Variants in IGDCC3 observed in about 807,000 individuals in gnomAD.
IGDCC3 encodes immunoglobulin superfamily DCC subclass member 3, also known as putative neuronal cell adhesion molecule.
A neutral mutation model predicts 72.0 loss-of-function variants in IGDCC3; 47 were observed. The ratio of observed to expected loss-of-function variants is 0.65; its 90% confidence interval spans 0.52 to 0.83. The LOEUF (loss-of-function observed/expected upper bound fraction) is 0.83, where lower values mean the gene tolerates loss of function less well. Ranked by LOEUF, IGDCC3 falls within the 40% of genes least tolerant of loss-of-function variation. The pLI is 0.00. For synonymous variants in IGDCC3, 477 were observed against 472.8 expected (o/e 1.01, Z -0.11); for missense variants, 1,038 against 1,091.3 (o/e 0.95, Z 0.69).
At chr15:65,330,228 A>G in intron 11 of IGDCC3, 65 bp downstream of exon 11, 2 of 1,146,578 alleles carry the variant, frequency 1.7e-6, no homozygotes, top group Non-Finnish European at 2.6e-6. Context: ...GGCACATGCT[A>G]TCTCACCCCA....
At chr15:65,373,179 C>T (rs2091337640) in intron 2 of IGDCC3, among the ~76,000 whole-genome samples, 1 of 152,174 alleles carries the variant, frequency 6.6e-6, no homozygotes. Flanking sequence ...ATGCAAAGGC[C>T]TCAGCAGGGG....
chr15:65,363,098 G>A (rs996922775), intron 2 of IGDCC3, among the ~76,000 whole-genome samples: 3 of 152,106 alleles, frequency 2.0e-5, no homozygotes, highest in Admixed American at 6.6e-5. Flanking sequence ...GACCTCAGGT[G>A]ATCTGCCCGC....
At chr15:65,341,075 C>T (rs1482794585) in intron 2 of IGDCC3, among the ~76,000 whole-genome samples, 4 of 151,692 alleles carry the variant, frequency 2.6e-5, no homozygotes, top group African/African-American at 9.7e-5. Context: ...TGAAATGTGG[C>T]CAGTCCAAAT....
intron 2 of IGDCC3, among the ~76,000 whole-genome samples, chr15:65,366,977 G>C (rs2091291218): frequency 6.6e-6 from 1 of 152,220 alleles, no homozygotes; most frequent in Admixed American, 6.5e-5. Flanking sequence ...TCTTTTGTGG[G>C]GATGGTGCAG....
At chr15:65,332,832 GGC>G (rs2090990156) in intron 6 of IGDCC3, among the ~76,000 whole-genome samples, 1 of 152,244 alleles carries the variant, frequency 6.6e-6, no homozygotes, top group Non-Finnish European at 1.5e-5. Context: ...TGCGCAGTGA[GGC>G]TGCCGGCGAC....
In IGDCC3 at chr15:65,329,021, C is replaced by A; in HGVS notation, c.2333G>T (p.Gly778Val). The A allele has an allele frequency of 1.2e-6, 2 of 1,612,308 alleles. No homozygotes were observed. The highest frequency in any genetic ancestry group is 1.7e-6 in the Non-Finnish European group (2 of 1,179,410). The part of the protein sequence containing the change: ...KTTEATAPCA[G>V]LAAAPPPPDG... ...TGGGGGTGGTGGGGCAGCCGCCAGG[C>A]CGGCGCAGGGAGCCGTGGCCTCTGT... is the stretch of plus-strand genomic sequence containing the variant. Residue 778 changes from glycine to valine, a missense_variant, in exon 14 of 14, where the codon GGC becomes GTC. Physicochemically the swap from Gly to Val is moderately radical, Grantham distance 109. Coordinates refer to ENST00000327987, the MANE Select transcript of IGDCC3 (RefSeq NM_004884.4). The surrounding 1 kb of genome is among the most constrained non-coding windows in gnomAD (Gnocchi z 4.1).
intron 2 of IGDCC3, among the ~76,000 whole-genome samples, chr15:65,347,427 C>T (rs1264001105): frequency 6.6e-6 from 1 of 152,154 alleles, no homozygotes; most frequent in African/African-American, 2.4e-5. Context: ...AAGGTCCATA[C>T]TAACATTAAG....
At chr15:65,345,593 T>C (rs1369110788) in intron 2 of IGDCC3, among the ~76,000 whole-genome samples, 2 of 148,680 alleles carry the variant, frequency 1.3e-5, no homozygotes, top group African/African-American at 5.0e-5. Context: ...CACACACGCA[T>C]GCACACACAG....
chr15:65,330,936 G>C, intron 9 of IGDCC3, 114 bp downstream of exon 9: 1 of 1,268,150 alleles, frequency 7.9e-7, no homozygotes, highest in Non-Finnish European at 1.1e-6. Flanking sequence ...AGCCCTGACA[G>C]CCTCAGGGCC....
At chr15:65,375,549 A>T in intron 1 of IGDCC3, 147 bp from the exon 2 acceptor site, 2 of 654,334 alleles carry the variant, frequency 3.1e-6, no homozygotes, top group Non-Finnish European at 5.2e-6. Context: ...AATTCCTATT[A>T]TATATAGAAC....
chr15:65,373,171 GC>G (rs2091337598), intron 2 of IGDCC3, among the ~76,000 whole-genome samples: 1 of 152,214 alleles, frequency 6.6e-6, no homozygotes, highest in African/African-American at 2.4e-5. Context: ...GGCTGGTGAT[GC>G]AAAGGCCTCA....
chr15:65,329,681 T>A lies in IGDCC3; in HGVS notation c.1997+45A>T, dbSNP rs528625441. On this transcript the variant is annotated intron_variant, in intron 12 of 13. Coordinates refer to ENST00000327987, the MANE Select transcript of IGDCC3 (RefSeq NM_004884.4). The surrounding 1 kb of genome is among the most constrained non-coding windows in gnomAD (Gnocchi z 4.1). The stretch of plus-strand genomic sequence containing the variant: ...CCACACTCACCTTCTCTAGGCCTAG[T>A]CCCCCACACACCAGCCCAGCCCCTC... 1 of 1,612,482 alleles carries A rather than the reference T, an allele frequency of 6.2e-7. No homozygotes were observed.
intron 2 of IGDCC3, among the ~76,000 whole-genome samples, chr15:65,346,421 A>G (rs1031921002): frequency 1.3e-5 from 2 of 151,190 alleles, no homozygotes; most frequent in Admixed American, 6.6e-5. Context: ...GTGAAATGCT[A>G]GTGGCGTCCA....
rs777347064 is a variant in IGDCC3 at position 65,330,764 on chromosome 15, C to T, written c.1562-23G>A. On this transcript the variant is annotated intron_variant, in intron 9 of 13. Transcript: ENST00000327987. ...GGGCTGCAGGTAGAGAAGGAGGCCA[C>T]GATGTGAGGACCCAGTGGAAGCTCT... 2.7e-5 allele frequency: 42 copies of T among 1,558,820 alleles called. 1 individual carries two copies. In the East Asian group the frequency reaches 5.8e-4, roughly 22 times the overall value.
intron 2 of IGDCC3, among the ~76,000 whole-genome samples, chr15:65,340,247 C>T (rs531538785): frequency 3.4e-4 from 52 of 152,112 alleles, no homozygotes; most frequent in African/African-American, 1.2e-3. Flanking sequence ...GGACCTCTGG[C>T]GAGGTCAGGC....
rs913717355 is a variant in IGDCC3, at chr15:65,334,501, G to A, written c.823+227C>T. 1.4e-4 allele frequency: 71 copies of A among 512,412 alleles called. No homozygotes were observed. In the Middle Eastern group the frequency reaches 1.5e-3, roughly 11 times the overall value. The allele number at this position is 512,412 out of a possible 1,614,324, so 31.7% of individuals were successfully genotyped here. On this transcript the variant is annotated intron_variant, in intron 5 of 13. Transcript: ENST00000327987. ...GGGACTGGACAAGGTAACCCAAGGA[G>A]CTAAGCCATCCCTGCAGGGATGAGA...
rs758389265 is a variant in IGDCC3 at position 65,328,962 on chromosome 15, C to T, written c.2392G>A (p.Ala798Thr). ...GGPGLLSEGQASRPAAARVTQ... is the reference protein window; with the variant it reads ...GGPGLLSEGQTSRPAAARVTQ... ...ACCCGGGCCGCTGCAGGCCTGGAAG[C>T]CTGGCCTTCACTGAGGAGGCCAGGG... Residue 798 changes from alanine to threonine, a missense_variant, in exon 14 of 14, where the codon GCT becomes ACT. By Grantham distance (58) the Ala-to-Thr change is moderately conservative. Coordinates refer to ENST00000327987, the MANE Select transcript of IGDCC3 (RefSeq NM_004884.4). The T allele has an allele frequency of 1.3e-6, 2 of 1,588,118 alleles. No individual in the cohort carries two copies. The highest frequency in any genetic ancestry group is 1.7e-6 in the Non-Finnish European group (2 of 1,169,624).
At chr15:65,352,848 A>G (rs748680709) in intron 2 of IGDCC3, among the ~76,000 whole-genome samples, 1 of 152,246 alleles carries the variant, frequency 6.6e-6, no homozygotes, top group Non-Finnish European at 1.5e-5. Flanking sequence ...AATATGTTTC[A>G]AGAACTATGG....
intron 8 of IGDCC3, 45 bp downstream of exon 8, chr15:65,331,367 A>AAAT (rs767372416): frequency 2.5e-6 from 4 of 1,575,326 alleles, no homozygotes; most frequent in Non-Finnish European, 3.5e-6. Flanking sequence ...AAGGAATAAG[A>AAAT]AATAGTGAAT....
Sources: gnomAD v4.1 joint callset for allele counts (sites outside exome capture counted in the v4.1 genomes callset) on GRCh38, gnomAD v4.1.1 for gene constraint, Gnocchi (gnomAD v3.1) non-coding constraint, MANE v1.5 for transcripts, NCBI Gene and HGNC (gene_info 2026-07-23, HGNC 2026-07-21) for gene names.